Variants in STRIP2 observed in about 807,000 individuals in gnomAD.
STRIP2 encodes the protein striatin interacting protein 2.
In STRIP2, 84 loss-of-function variants were observed where a neutral mutation model predicts 107.1. The observed-to-expected ratio is 0.78, with a 90% CI of 0.66 to 0.94. The LOEUF is 0.94. Among genes scored for constraint, STRIP2 ranks in the 40% least tolerant of loss-of-function variants. The probability of loss-of-function intolerance (pLI) is 0.00; values close to 1 mark genes in which losing one functional copy is unlikely to be tolerated. For missense variants in STRIP2, 888 were observed against 1,034.2 expected (o/e 0.86, Z 1.94); for synonymous variants, 394 against 400.4 (o/e 0.98, Z 0.19).
intron 18 of STRIP2, among the ~76,000 whole-genome samples, chr7:129,475,830 A>C (rs1798910076): frequency 6.6e-6 from 1 of 152,140 alleles, no homozygotes; most frequent in African/African-American, 2.4e-5. Flanking sequence ...CCCTTAATCC[A>C]TTTAACCCTG....
At chr7:129,446,142 A>G (rs747093812) in intron 3 of STRIP2, among the ~76,000 whole-genome samples, 1 of 152,136 alleles carries the variant, frequency 6.6e-6, no homozygotes, top group Non-Finnish European at 1.5e-5. Context: ...TCCCTGCCAC[A>G]GTGGCCACTT....
In STRIP2 at chr7:129,461,090, A is replaced by G. The variant is rs1798520830; in HGVS notation, c.1476+718A>G. On this transcript the variant is annotated intron_variant, in intron 13 of 20. Transcript: ENST00000249344. This position sits in a 1 kb window ranked among gnomAD's most constrained non-coding sequence, Gnocchi z 4.0. Reference sequence around the variant, plus strand: ...AAACCCTTGAAATAGTCAAGGTGAGAGATGATGCCGACCTGGATTTGGAGA... The same window carrying G: ...AAACCCTTGAAATAGTCAAGGTGAGGGATGATGCCGACCTGGATTTGGAGA... 6.6e-6 allele frequency among the ~76,000 whole-genome samples: 1 copy of G among 152,242 alleles called. No individual in the cohort carries two copies. Among genetic ancestry groups the G allele is most frequent in the Admixed American group, 6.5e-5 (1 of 15,284 alleles).
intron 4 of STRIP2, among the ~76,000 whole-genome samples, chr7:129,452,195 CATAA>C (rs1251387273): frequency 6.6e-6 from 1 of 152,136 alleles, no homozygotes; most frequent in Admixed American, 6.5e-5. Context: ...TTCAAGCCAA[CATAA>C]CTGCGGGAGT....
intron 19 of STRIP2, among the ~76,000 whole-genome samples, chr7:129,481,990 A>T (rs1799128902): frequency 6.6e-6 from 1 of 152,064 alleles, no homozygotes; most frequent in African/African-American, 2.4e-5. Flanking sequence ...CAACATGATG[A>T]AACCCCATCT....
At position 129,482,992 on chromosome 7, in the gene STRIP2, G is replaced by A. The variant is rs1368944933; in HGVS notation, c.2200G>A (p.Ala734Thr). The change falls in exon 20 of 21, where the codon GCC (alanine) becomes ACC (threonine). Residue 734 changes from alanine (A) to threonine (T), a missense_variant. Coordinates refer to ENST00000249344, the MANE Select transcript of STRIP2 (RefSeq NM_020704.3). ...WRKSNMKTMSAIYQKVRHRMN... is the reference protein window; with the variant it reads ...WRKSNMKTMSTIYQKVRHRMN... Reference sequence around the variant, plus strand: ...GAAAAGCAACATGAAAACCATGTCAGCCATTTACCAGAAAGTGCGTCACCG... The same window carrying A: ...GAAAAGCAACATGAAAACCATGTCAACCATTTACCAGAAAGTGCGTCACCG... 6.2e-7 allele frequency: 1 copy of A among 1,614,210 alleles called. No homozygotes were observed. Among genetic ancestry groups the A allele is most frequent in the Non-Finnish European group, 8.5e-7 (1 of 1,180,038 alleles).
At chr7:129,450,362 A>G (rs566568811) in intron 3 of STRIP2, among the ~76,000 whole-genome samples, 3 of 152,248 alleles carry the variant, frequency 2.0e-5, no homozygotes, top group African/African-American at 4.8e-5. Context: ...CTGTATCTCA[A>G]GTGGAGAGCA....
chr7:129,448,058 G>A (rs575003228), intron 3 of STRIP2, among the ~76,000 whole-genome samples: 15 of 152,212 alleles, frequency 9.9e-5, no homozygotes, highest in Admixed American at 9.2e-4. Context: ...CCATAGTAAC[G>A]CTCACCCTAC....
In STRIP2 at chr7:129,456,141, C is replaced by CTTTTTT. The variant is rs775446984; in HGVS notation, c.835-295_835-290dup. Among the ~76,000 whole-genome samples, 11 of 81,000 alleles carry CTTTTTT rather than the reference C, an allele frequency of 1.4e-4. 3 individuals are homozygous for CTTTTTT. The highest frequency in any genetic ancestry group is 8.9e-4 in the East Asian group (2 of 2,250). 53.1% of individuals were successfully genotyped at this position (81,000 alleles called of 152,430 possible). On this transcript the variant is annotated intron_variant, in intron 8 of 20. Transcript: ENST00000249344. Reference sequence around the variant, plus strand: ...TGTTCCTTAAAAAAGTCGATAGTTTCTTTTTTTTCTTTTTTTTTTTTTTTG... The same window carrying CTTTTTT: ...TGTTCCTTAAAAAAGTCGATAGTTTCTTTTTTTTTTTTTTCTTTTTTTTTTTTTTTG...
intron 8 of STRIP2, 71 bp from the exon 9 acceptor site, chr7:129,456,368 T>G: frequency 7.1e-7 from 1 of 1,406,670 alleles, no homozygotes; most frequent in Non-Finnish European, 1.0e-6. Context: ...TCATCCATGT[T>G]TCCCTGACCT....
At chr7:129,479,306 G>A (rs6968465) in intron 18 of STRIP2, among the ~76,000 whole-genome samples, 1 of 151,088 alleles carries the variant, frequency 6.6e-6, no homozygotes, top group African/African-American at 2.4e-5. Flanking sequence ...AAGTCTCCCT[G>A]TCTCTATTAA....
At chr7:129,452,092 A>C (rs909504986) in intron 4 of STRIP2, among the ~76,000 whole-genome samples, 1 of 152,204 alleles carries the variant, frequency 6.6e-6, no homozygotes, top group Non-Finnish European at 1.5e-5. Context: ...ACAAGACATC[A>C]ACTGTGGCCT....
chr7:129,485,965 G>C lies in STRIP2; in HGVS notation c.*136G>C. On this transcript the variant is annotated 3_prime_UTR_variant, in exon 21 of 21. Coordinates refer to ENST00000249344, the MANE Select transcript of STRIP2 (RefSeq NM_020704.3). ...TCTTGGGCCTAAAGATGGTGCAAGGGTGGGATCCTGAATCACAATAAAATG... is the reference window on the plus strand; with the variant it reads ...TCTTGGGCCTAAAGATGGTGCAAGGCTGGGATCCTGAATCACAATAAAATG... 1.0e-6 allele frequency: 1 copy of C among 979,942 alleles called. No individual in the cohort carries two copies. Among genetic ancestry groups the C allele is most frequent in the South Asian group, 1.6e-5 (1 of 61,802 alleles). The allele number at this position is 979,942 out of a possible 1,614,324, so 60.7% of individuals were successfully genotyped here.
intron 13 of STRIP2, among the ~76,000 whole-genome samples, chr7:129,462,219 C>T (rs927463085): frequency 6.6e-6 from 1 of 152,166 alleles, no homozygotes; most frequent in African/African-American, 2.4e-5. Flanking sequence ...TGTTGAATGT[C>T]CATTTAGGAC....
At chr7:129,471,888 G>A (rs186657517) in intron 18 of STRIP2, among the ~76,000 whole-genome samples, 1 of 152,138 alleles carries the variant, frequency 6.6e-6, no homozygotes, top group East Asian at 1.9e-4. Flanking sequence ...AGCAGCCAAA[G>A]AAGTTGGAAG....
At position 129,444,035 on chromosome 7, in the gene STRIP2, T is replaced by C; in HGVS notation, c.211T>C (p.Tyr71His). 6.2e-7 allele frequency: 1 copy of C among 1,613,516 alleles called. No individual in the cohort carries two copies. The highest frequency in any genetic ancestry group is 8.5e-7 in the Non-Finnish European group (1 of 1,179,530). The change falls in exon 3 of 21, where the codon TAC becomes CAC. Residue 71 changes from tyrosine (Y) to histidine (H), a missense_variant. Transcript: ENST00000249344. ...HAAELSELYS[Y>H]TENLEFTNNR... Reference sequence around the variant, plus strand: ...CTTTCCTGCCACAGAATTGTATAGTTACACTGAGAACCTGGAATTCACCAA... The same window carrying C: ...CTTTCCTGCCACAGAATTGTATAGTCACACTGAGAACCTGGAATTCACCAA...
intron 16 of STRIP2, among the ~76,000 whole-genome samples, chr7:129,466,082 A>G (rs962820167): frequency 6.6e-6 from 1 of 151,890 alleles, no homozygotes; most frequent in Non-Finnish European, 1.5e-5. Context: ...TAGGTAGGAG[A>G]TAGTGTTTCT....
intron 3 of STRIP2, among the ~76,000 whole-genome samples, chr7:129,444,912 G>A (rs897960815): frequency 2.6e-5 from 4 of 152,142 alleles, no homozygotes; most frequent in African/African-American, 9.7e-5. Flanking sequence ...ATTAATACAA[G>A]TGTATACACG....
rs1467578980 is a variant in STRIP2, at chr7:129,486,774, C to T, written c.*945C>T. 6.6e-6 allele frequency: 1 copy of T among 152,026 alleles called. No homozygotes were observed. The highest frequency in any genetic ancestry group is 1.5e-5 in the Non-Finnish European group (1 of 68,002). 9.4% of individuals were successfully genotyped at this position (152,026 alleles called of 1,614,324 possible). ...ACAGCTTACCATTTTTCTTTTTCTG[C>T]AGTGTTGATTAATGATTTTTTTCCC... is the stretch of plus-strand genomic sequence containing the variant. On this transcript the variant is annotated 3_prime_UTR_variant, in exon 21 of 21. Transcript: ENST00000249344.
At chr7:129,459,736 G>A (rs771481394) in intron 12 of STRIP2, among the ~76,000 whole-genome samples, 156 bp downstream of exon 12, 16 of 152,210 alleles carry the variant, frequency 1.1e-4, no homozygotes, top group Non-Finnish European at 2.1e-4. Flanking sequence ...GAAAAATTAG[G>A]TCTCTCTTTA....
Sources: gnomAD v4.1 joint callset for allele counts (sites outside exome capture counted in the v4.1 genomes callset) on GRCh38, gnomAD v4.1.1 for gene constraint, Gnocchi (gnomAD v3.1) non-coding constraint, MANE v1.5 for transcripts, NCBI Gene and HGNC (gene_info 2026-07-23, HGNC 2026-07-21) for gene names.